The following PRMT9 variants were observed in gnomAD, a reference collection of about 807,000 sequenced individuals.
PRMT9 encodes the protein protein arginine methyltransferase 9.
PRMT9 carries 59 observed loss-of-function variants against 83.2 expected under a neutral mutation model. The observed-to-expected ratio is 0.71, with a 90% CI of 0.57 to 0.88. PRMT9 has a LOEUF of 0.88. PRMT9 is among the 40% of genes least tolerant of loss of function. The probability of loss-of-function intolerance (pLI) is 0.00; values close to 1 mark genes in which losing one functional copy is unlikely to be tolerated. For synonymous variants in PRMT9, 333 were observed against 353.2 expected, an observed-to-expected ratio of 0.94 and a Z score of 0.64; for missense variants, 947 against 1,021.9, an observed-to-expected ratio of 0.93 and a Z score of 1.00.
Position 147,680,463 on chromosome 4 carries a change from A to T in PRMT9, c.198T>A (p.Phe66Leu), listed in dbSNP as rs1447075589. 3 of 1,613,194 alleles carry T rather than the reference A, an allele frequency of 1.9e-6. No homozygotes were observed. The Admixed American group carries it at 5.0e-5, about 27-fold the overall frequency. Reference protein sequence around the residue: ...PELKHDVKETFQYTLFRWAEE... With the variant: ...PELKHDVKETLQYTLFRWAEE... ...CAGCCCATCTGAAAAGTGTGTACTG[A>T]AAAGTTTCCTTTACAAATAAGAAAA... The change falls in exon 2 of 12, where the codon TTT (phenylalanine) becomes TTA (leucine). Residue 66 changes from phenylalanine to leucine, a missense_variant. Phe to Leu is a conservative substitution (Grantham distance 22, BLOSUM62 0). Transcript: ENST00000322396.
intron 10 of PRMT9, among the ~76,000 whole-genome samples, chr4:147,640,324 T>C: frequency 6.6e-6 from 1 of 151,954 alleles, no homozygotes; most frequent in East Asian, 1.9e-4. Context: ...CTGCCCTCCT[T>C]GGCCTCCCAA....
intron 1 of PRMT9, 66 bp downstream of exon 1, chr4:147,683,733 C>CTTTTTTTT: frequency 6.1e-6 from 3 of 489,446 alleles, no homozygotes; most frequent in South Asian, 4.8e-5. Flanking sequence ...TTTTTTTTTT[C>CTTTTTTTT]TGTTTTTTTT....
At chr4:147,670,483 A>G (rs1735655261) in intron 5 of PRMT9, among the ~76,000 whole-genome samples, 158 bp downstream of exon 5, 1 of 152,142 alleles carries the variant, frequency 6.6e-6, no homozygotes, top group African/African-American at 2.4e-5. Context: ...CCGGCCAGTA[A>G]AAGTTTTTTG....
intron 6 of PRMT9, among the ~76,000 whole-genome samples, chr4:147,667,341 G>A (rs1375811179): frequency 6.6e-6 from 1 of 152,180 alleles, no homozygotes; most frequent in Non-Finnish European, 1.5e-5. Flanking sequence ...CCAAGAAGTT[G>A]ATTTTTTAAA....
At chr4:147,666,460 G>C (rs1275525234) in intron 6 of PRMT9, among the ~76,000 whole-genome samples, 1 of 152,040 alleles carries the variant, frequency 6.6e-6, no homozygotes, top group Non-Finnish European at 1.5e-5. Context: ...TTCCTGAATA[G>C]TTTATCCCTT....
intron 4 of PRMT9, 87 bp from the exon 5 acceptor site, chr4:147,670,830 T>TA: frequency 1.1e-6 from 1 of 869,828 alleles, no homozygotes. Flanking sequence ...AAAGGAAGAG[T>TA]ATATTATAGA....
intron 9 of PRMT9, among the ~76,000 whole-genome samples, chr4:147,644,540 A>T (rs886922077): frequency 9.3e-3 from 7 of 752 alleles, no homozygotes; most frequent in Non-Finnish European, 0.038. Context: ...GCTTATGGTT[A>T]AAAAAAAAAA....
chr4:147,646,834 T>C (rs908062937), intron 9 of PRMT9, among the ~76,000 whole-genome samples: 5 of 152,212 alleles, frequency 3.3e-5, no homozygotes, highest in Non-Finnish European at 7.3e-5. Context: ...TTGTAGGTCC[T>C]AGTACTTTTG....
chr4:147,644,575 A>C (rs1033275823), intron 9 of PRMT9, among the ~76,000 whole-genome samples: 12 of 151,208 alleles, frequency 7.9e-5, no homozygotes, highest in African/African-American at 2.9e-4. Flanking sequence ...GCCTCTTAAT[A>C]GGTAGACTAT....
intron 2 of PRMT9, among the ~76,000 whole-genome samples, chr4:147,679,893 T>C (rs533580312): frequency 2.0e-4 from 30 of 152,348 alleles, no homozygotes; most frequent in Non-Finnish European, 4.3e-4. Flanking sequence ...CTTACCCTAC[T>C]ACATGGTTTT....
intron 10 of PRMT9, 130 bp from the exon 11 acceptor site, chr4:147,639,212 G>T: frequency 1.3e-6 from 1 of 795,160 alleles, no homozygotes; most frequent in South Asian, 1.6e-5. Flanking sequence ...TTGACAGAAT[G>T]CTTTTTACAT....
chr4:147,661,789 C>CAAA (rs70958573), intron 6 of PRMT9, among the ~76,000 whole-genome samples: 3,827 of 58,038 alleles, frequency 0.066, 423 homozygotes, highest in East Asian at 0.095. Flanking sequence ...GACTCCATCT[C>CAAA]AAAAAAAAAA....
At chr4:147,662,596 T>C (rs1578911877) in intron 6 of PRMT9, among the ~76,000 whole-genome samples, 1 of 152,048 alleles carries the variant, frequency 6.6e-6, no homozygotes, top group African/African-American at 2.4e-5. Flanking sequence ...AGTCCAGGAG[T>C]TAAAGACCAG....
At chr4:147,643,662 T>C (rs556271886) in intron 9 of PRMT9, among the ~76,000 whole-genome samples, 28 of 152,332 alleles carry the variant, frequency 1.8e-4, no homozygotes, top group African/African-American at 6.5e-4. Context: ...GAGAAATGTG[T>C]AGATACAACT....
At chr4:147,642,116 G>C (rs1733443440) in intron 10 of PRMT9, among the ~76,000 whole-genome samples, 1 of 152,132 alleles carries the variant, frequency 6.6e-6, no homozygotes, top group South Asian at 2.1e-4. Context: ...GCCAGCCTGA[G>C]GTCTCAATGT....
intron 5 of PRMT9, among the ~76,000 whole-genome samples, chr4:147,669,593 C>G (rs1356976960): frequency 6.6e-6 from 1 of 152,038 alleles, no homozygotes. Flanking sequence ...CGTTCGCTCA[C>G]ACCTGCAATC....
Position 147,654,462 on chromosome 4 carries a change from C to G in PRMT9, c.1435G>C (p.Asp479His), listed in dbSNP as rs1226460034. Residue 479 changes from aspartate to histidine, a missense_variant, in exon 9 of 12, where the codon GAT (aspartate) becomes CAT (histidine). Physicochemically the swap from Asp to His is moderately conservative, Grantham distance 81 (BLOSUM62 -1). Coordinates refer to ENST00000322396, the MANE Select transcript of PRMT9 (RefSeq NM_138364.4). ...ISVLGLECEM[D>H]VAKSFTQNKD... ...TTCTGGGTAAAACTTTTTGCAACAT[C>G]CATTTCACATTCCAAACCCAAGACA... 6.8e-6 allele frequency: 11 copies of G among 1,613,926 alleles called. No homozygotes were observed. Among genetic ancestry groups the G allele is most frequent in the Non-Finnish European group, 9.3e-6 (11 of 1,179,948 alleles).
Position 147,654,393 on chromosome 4 carries a change from C to T in PRMT9, c.1504G>A (p.Ala502Thr), listed in dbSNP as rs1157085649. ...SLGNEAELCSALANLQTSKPD... is the reference protein window; with the variant it reads ...SLGNEAELCSTLANLQTSKPD... ...TTACTGGTCTGAAGGTTAGCGAGGG[C>T]ACTACAAAGTTCAGCCTCATTTCCT... Residue 502 changes from alanine to threonine, a missense_variant, in exon 9 of 12, where the codon GCC becomes ACC. Coordinates refer to ENST00000322396, the MANE Select transcript of PRMT9 (RefSeq NM_138364.4). 1 of 1,614,186 alleles carries T rather than the reference C, an allele frequency of 6.2e-7. No individual in the cohort carries two copies. The highest frequency in any genetic ancestry group is 8.5e-7 in the Non-Finnish European group (1 of 1,180,022).
chr4:147,682,128 C>T lies in PRMT9; in HGVS notation c.190-1657G>A, dbSNP rs972663829. Among the ~76,000 whole-genome samples, 7 of 152,348 alleles carry T rather than the reference C, an allele frequency of 4.6e-5. No homozygotes were observed. In the East Asian group the frequency reaches 1.4e-3, roughly 29 times the overall value. ...TCAAGCAATTCTTCTGCGTCAGCCT[C>T]CTGAGTAGCTGGGACTACAGGCACA... On this transcript the variant is annotated intron_variant, in intron 1 of 11. Transcript: ENST00000322396.
Sources: allele counts gnomAD v4.1 joint callset (sites outside exome capture counted in the v4.1 genomes callset), GRCh38; gene constraint gnomAD v4.1.1; transcripts MANE v1.5; gene names NCBI Gene and HGNC (gene_info 2026-07-23, HGNC 2026-07-21).